KIF13B: variants seen among roughly 807,000 people sequenced by gnomAD.
KIF13B encodes kinesin family member 13B.
A neutral mutation model predicts 222.0 loss-of-function variants in KIF13B; 127 were observed. That is an observed-to-expected ratio of 0.57 (90% CI 0.50 to 0.66). The LOEUF (loss-of-function observed/expected upper bound fraction) is 0.66, where lower values mean the gene tolerates loss of function less well. Ranked by LOEUF, KIF13B falls within the 30% of genes least tolerant of loss-of-function variation. The pLI is 0.00. For synonymous variants in KIF13B, 976 were observed against 919.0 expected, an observed-to-expected ratio of 1.06 and a Z score of -1.12; for missense variants, 2,173 against 2,379.0, an observed-to-expected ratio of 0.91 and a Z score of 1.80.
rs1007718791 is a variant in KIF13B at position 29,070,966 on chromosome 8, C to G, written c.5219-200G>C. On this transcript the variant is annotated intron_variant, in intron 39 of 39. Transcript: ENST00000524189. The surrounding 1 kb of genome is among the most constrained non-coding windows in gnomAD (Gnocchi z 4.1). ...GCCAGGGCCTGGGGTGACCGCCTCC[C>G]AGGACAGTGAGCAGTGGTGACCAAG... 7.2e-5 allele frequency among the ~76,000 whole-genome samples: 11 copies of G among 152,286 alleles called. 1 individual carries two copies. The highest frequency in any genetic ancestry group is 2.6e-4 in the African/African-American group (11 of 41,560).
chr8:29,184,214 A>G (rs1195595243), intron 6 of KIF13B, among the ~76,000 whole-genome samples: 1 of 152,138 alleles, frequency 6.6e-6, no homozygotes, highest in East Asian at 1.9e-4. Flanking sequence ...TGCTGAATTA[A>G]TATAATTAGT....
intron 35 of KIF13B, 111 bp downstream of exon 35, chr8:29,108,028 C>T (rs1048089585): frequency 1.2e-6 from 1 of 838,126 alleles, no homozygotes; most frequent in African/African-American, 1.7e-5. Context: ...TCACATAATA[C>T]AGATGAGTAG....
chr8:29,134,516 GAAGA>G (rs1810476646), intron 21 of KIF13B, among the ~76,000 whole-genome samples: 1 of 152,192 alleles, frequency 6.6e-6, no homozygotes, highest in Non-Finnish European at 1.5e-5. Flanking sequence ...TAATTCAGAT[GAAGA>G]AAGATCTCAA....
At chr8:29,143,638 G>A (rs1357168590) in intron 18 of KIF13B, among the ~76,000 whole-genome samples, 1 of 152,114 alleles carries the variant, frequency 6.6e-6, no homozygotes, top group African/African-American at 2.4e-5. Flanking sequence ...ACAAGGTCAG[G>A]AGTTTGAGAC....
intron 2 of KIF13B, among the ~76,000 whole-genome samples, chr8:29,230,479 C>T (rs959918919): frequency 6.6e-6 from 1 of 152,184 alleles, no homozygotes; most frequent in African/African-American, 2.4e-5. Flanking sequence ...AAGGCCAGGT[C>T]AACGGACAGC....
chr8:29,068,199 C>T lies in KIF13B; in HGVS notation c.*2305G>A, dbSNP rs181549286. On this transcript the variant is annotated 3_prime_UTR_variant, in exon 40 of 40. Transcript: ENST00000524189. The surrounding 1 kb of genome is among the most constrained non-coding windows in gnomAD (Gnocchi z 4.4). ...CTCCTGGGGCCTTCCAGGAGCGCAT[C>T]GGGAGTCCTAAGGCGGGTGGGCGGG... 6.6e-6 allele frequency: 1 copy of T among 152,144 alleles called. No individual in the cohort carries two copies. The highest frequency in any genetic ancestry group is 1.5e-5 in the Non-Finnish European group (1 of 68,060). 9.4% of individuals were successfully genotyped at this position (152,144 alleles called of 1,614,324 possible). A position where few individuals can be genotyped will look rare whatever the true frequency, so the allele number is the denominator to read the frequency against.
At chr8:29,139,521 T>C (rs1810712778) in intron 21 of KIF13B, among the ~76,000 whole-genome samples, 1 of 152,150 alleles carries the variant, frequency 6.6e-6, no homozygotes, top group Non-Finnish European at 1.5e-5. Flanking sequence ...GCCCTCTCAA[T>C]ATACGCGAAG....
At chr8:29,114,300 T>C (rs928369101) in intron 31 of KIF13B, among the ~76,000 whole-genome samples, 10 of 152,224 alleles carry the variant, frequency 6.6e-5, no homozygotes, top group Non-Finnish European at 1.2e-4. Context: ...GCCAAGCTAT[T>C]TGGTCTTAGA....
In KIF13B at chr8:29,201,467, T is replaced by C. The variant is rs147033101; in HGVS notation, c.150-5268A>G. Reference sequence around the variant, plus strand: ...ATCACCTCTGAAAATGTTGTAATACTTCTGTCCATGACACAAAAAAAATTG... The same window carrying C: ...ATCACCTCTGAAAATGTTGTAATACCTCTGTCCATGACACAAAAAAAATTG... On this transcript the variant is annotated intron_variant, in intron 2 of 39. Transcript: ENST00000524189. Among the ~76,000 whole-genome samples the C allele has an allele frequency of 2.8e-4, 43 of 152,348 alleles. 1 individual carries two copies. In the East Asian group the frequency reaches 6.6e-3, roughly 23 times the overall value.
chr8:29,070,386 C>T lies in KIF13B; in HGVS notation c.*118G>A. On this transcript the variant is annotated 3_prime_UTR_variant, in exon 40 of 40. Coordinates refer to ENST00000524189, the MANE Select transcript of KIF13B (RefSeq NM_015254.4). This position sits in a 1 kb window ranked among gnomAD's most constrained non-coding sequence, Gnocchi z 4.1. ...CACCAGCCCTGTGTCGTGCAAAAAG[C>T]ATTCATCGCCCTGCCCCTGGGGAAG... The T allele has an allele frequency of 8.8e-7, 1 of 1,141,240 alleles. No individual in the cohort carries two copies. The highest frequency in any genetic ancestry group is 1.2e-6 in the Non-Finnish European group (1 of 802,352). The allele number at this position is 1,141,240 out of a possible 1,614,324, so 70.7% of individuals were successfully genotyped here.
intron 8 of KIF13B, among the ~76,000 whole-genome samples, chr8:29,179,863 T>C (rs544418170): frequency 2.0e-5 from 3 of 152,298 alleles, no homozygotes; most frequent in Admixed American, 1.3e-4. Context: ...AGAAAGTTAT[T>C]CCTCGAGAGG....
intron 35 of KIF13B, among the ~76,000 whole-genome samples, chr8:29,099,699 CTTATT>C (rs144344648): frequency 1.4e-4 from 21 of 152,238 alleles, no homozygotes; most frequent in African/African-American, 5.1e-4. Context: ...TGTCATCCTG[CTTATT>C]TTATTAATTT....
intron 14 of KIF13B, 22 bp from the exon 15 acceptor site, chr8:29,150,405 C>T (rs906888100): frequency 1.3e-5 from 16 of 1,209,498 alleles, no homozygotes; most frequent in African/African-American, 5.9e-5. Flanking sequence ...AGAGATCAAA[C>T]GTGAATGATG....
At chr8:29,164,697 C>T (rs1264264556) in intron 12 of KIF13B, among the ~76,000 whole-genome samples, 1 of 152,148 alleles carries the variant, frequency 6.6e-6, no homozygotes, top group Non-Finnish European at 1.5e-5. Flanking sequence ...GGGTCCTGAG[C>T]TCCACATTAC....
At chr8:29,243,279 C>T (rs1055832192) in intron 2 of KIF13B, among the ~76,000 whole-genome samples, 1 of 148,374 alleles carries the variant, frequency 6.7e-6, no homozygotes, top group South Asian at 2.1e-4. Flanking sequence ...CCTGGTGGGG[C>T]GGAGGTTGCA....
At chr8:29,168,209 A>C (rs1222330996) in intron 10 of KIF13B, among the ~76,000 whole-genome samples, 1 of 152,270 alleles carries the variant, frequency 6.6e-6, no homozygotes, top group Non-Finnish European at 1.5e-5. Context: ...TCCACCGTTC[A>C]GACAATGGTC....
At position 29,070,562 on chromosome 8, in the gene KIF13B, A is replaced by T; in HGVS notation, c.5423T>A (p.Leu1808Gln). ...CTTGTGGCTCCTGTCGGCCTTGGCC[A>T]GGGCAGCTGTCAGCGAGGCCAGGTT... is the stretch of plus-strand genomic sequence containing the variant. Reference protein sequence around the residue: ...ATNLASLTAALAKADRSHKNP... With the variant: ...ATNLASLTAAQAKADRSHKNP... Residue 1808 changes from leucine (L) to glutamine (Q), a missense_variant, in exon 40 of 40, where the codon CTG (leucine) becomes CAG (glutamine). Leu to Gln is a moderately radical substitution (Grantham distance 113). Transcript: ENST00000524189. This position sits in a 1 kb window ranked among gnomAD's most constrained non-coding sequence, Gnocchi z 4.1. The T allele has an allele frequency of 6.2e-7, 1 of 1,607,688 alleles. No individual in the cohort carries two copies. The highest frequency in any genetic ancestry group is 8.5e-7 in the Non-Finnish European group (1 of 1,177,620).
intron 2 of KIF13B, among the ~76,000 whole-genome samples, chr8:29,236,579 A>G (rs1815517287): frequency 6.6e-6 from 1 of 152,238 alleles, no homozygotes. Flanking sequence ...ACTGACTTGT[A>G]TATACAGGTC....
In KIF13B at chr8:29,106,663, T is replaced by G. The variant is rs192591960; in HGVS notation, c.4215+1476A>C. 2.2e-5 allele frequency among the ~76,000 whole-genome samples: 3 copies of G among 136,762 alleles called. No individual in the cohort carries two copies. The Admixed American group carries it at 2.2e-4, about 10-fold the overall frequency. 89.7% of individuals were successfully genotyped at this position (136,762 alleles called of 152,430 possible). ...AAAAAAAAAAAAAAAAAAAAAAGTC[T>G]AATTAATGCATCAACTTAATCTTCA... On this transcript the variant is annotated intron_variant, in intron 35 of 39. Transcript: ENST00000524189.
Sources: gnomAD v4.1 joint callset for allele counts (sites outside exome capture counted in the v4.1 genomes callset) on GRCh38, gnomAD v4.1.1 for gene constraint, Gnocchi (gnomAD v3.1) non-coding constraint, MANE v1.5 for transcripts, NCBI Gene and HGNC (gene_info 2026-07-23, HGNC 2026-07-21) for gene names.